HAVCR2: variants seen among roughly 807,000 people sequenced by gnomAD.
HAVCR2 encodes the protein T cell immunoglobulin mucin 3.
A neutral mutation model predicts 24.7 loss-of-function variants in HAVCR2; 13 were observed. The ratio of observed to expected loss-of-function variants is 0.53; its 90% CI spans 0.34 to 0.84. The LOEUF (loss-of-function observed/expected upper bound fraction) is 0.84, where lower values mean the gene tolerates loss of function less well. HAVCR2 is among the 40% of genes least tolerant of loss of function. The probability of loss-of-function intolerance (pLI) is 0.01; values close to 1 mark genes in which losing one functional copy is unlikely to be tolerated. For missense variants in HAVCR2, 343 were observed against 371.2 expected (o/e 0.92, Z 0.62); for synonymous variants, 154 against 143.4 (o/e 1.07, Z -0.53).
intron 5 of HAVCR2, among the ~76,000 whole-genome samples, chr5:157,094,958 G>A (rs1330285576): frequency 6.6e-6 from 1 of 152,192 alleles, no homozygotes; most frequent in East Asian, 1.9e-4. Context: ...GAATCAGCCT[G>A]CCTGGATTTG....
intron 3 of HAVCR2, among the ~76,000 whole-genome samples, chr5:157,102,753 G>A (rs1757185674): frequency 6.6e-6 from 1 of 151,896 alleles, no homozygotes; most frequent in Non-Finnish European, 1.5e-5. Flanking sequence ...TGGCCACCAT[G>A]GTGAAACCCC....
rs549446396 is a variant in HAVCR2 at position 157,094,675 on chromosome 5, G to A, written c.676+631C>T. On this transcript the variant is annotated intron_variant, in intron 5 of 6. Transcript: ENST00000307851. ...TGGGATTACAGGCGTGAGCCACTGC[G>A]CCGGGCCTGTTTTTTTGTTTTTGTT... Among the ~76,000 whole-genome samples the A allele has an allele frequency of 9.9e-5, 15 of 151,600 alleles. No individual in the cohort carries two copies. The East Asian group carries it at 2.3e-3, about 23-fold the overall frequency.
At position 157,106,886 on chromosome 5, in the gene HAVCR2, T is replaced by C. The variant is rs1388432370; in HGVS notation, c.135A>G (p.Pro45=). ...CCCAGCAGACGGGCACGAGGTTCCC[T>C]GGGGCGGCTGGGGTGTAGAAGCAGG... The part of the protein sequence containing the change: ...YLPCFYTPAA[P]GNLVPVCWGK... The change falls in exon 2 of 7, where the codon CCA becomes CCG. Residue 45 remains proline (P), a synonymous_variant. Coordinates refer to ENST00000307851, the MANE Select transcript of HAVCR2 (RefSeq NM_032782.5). 2.5e-6 allele frequency: 4 copies of C among 1,614,180 alleles called. No homozygotes were observed. The highest frequency in any genetic ancestry group is 1.7e-6 in the Non-Finnish European group (2 of 1,180,016).
chr5:157,089,320 C>G (rs1237688804), intron 5 of HAVCR2, among the ~76,000 whole-genome samples: 1 of 152,014 alleles, frequency 6.6e-6, no homozygotes, highest in African/African-American at 2.4e-5. Flanking sequence ...TAAAAGAAAA[C>G]AGTACCCCAG....
chr5:157,095,218 A>G, intron 5 of HAVCR2, 88 bp downstream of exon 5: 2 of 1,411,172 alleles, frequency 1.4e-6, no homozygotes. Flanking sequence ...CTTTGGGTAT[A>G]AACATGAATT....
chr5:157,096,708 C>T (rs1757098813), intron 4 of HAVCR2, among the ~76,000 whole-genome samples: 1 of 152,056 alleles, frequency 6.6e-6, no homozygotes, highest in Non-Finnish European at 1.5e-5. Context: ...ACCCAGGAGG[C>T]AGAGGTTGCA....
chr5:157,088,819 A>T, intron 6 of HAVCR2, 122 bp downstream of exon 6: 1 of 820,174 alleles, frequency 1.2e-6, no homozygotes, highest in Non-Finnish European at 2.0e-6. Flanking sequence ...TAGAGAAAGA[A>T]GGAAGTATAA....
At position 157,108,138 on chromosome 5, in the gene HAVCR2, T is replaced by C. The variant is rs148333206; in HGVS notation, c.58+788A>G. 4.3e-4 allele frequency among the ~76,000 whole-genome samples: 66 copies of C among 152,180 alleles called. No homozygotes were observed. The East Asian group carries it at 0.011, about 26-fold the overall frequency. On this transcript the variant is annotated intron_variant, in intron 1 of 6. Coordinates refer to ENST00000307851, the MANE Select transcript of HAVCR2 (RefSeq NM_032782.5). ...CTTTTGATTTTTTATGTCCCCTTTG[T>C]TTTCATATGACTCAACTACAGTAAA...
chr5:157,089,644 A>T (rs1027946836), intron 5 of HAVCR2, among the ~76,000 whole-genome samples: 4 of 152,220 alleles, frequency 2.6e-5, no homozygotes, highest in African/African-American at 9.6e-5. Context: ...AACAGATAAT[A>T]GAGAGGGTGG....
Position 157,104,947 on chromosome 5 carries a change from C to CATCATTGTTACATTCTGATT in HAVCR2, c.395-218_395-199dup, listed in dbSNP as rs1757225017. ...ATGTTTGACAAAGGTAAGATGCAGT[C>CATCATTGTTACATTCTGATT]ATCATTGTTACATTCTGATTATTAA... On this transcript the variant is annotated intron_variant, in intron 2 of 6. Transcript: ENST00000307851. The CATCATTGTTACATTCTGATT allele has an allele frequency of 7.8e-6, 3 of 383,140 alleles. No homozygotes were observed. In the East Asian group the frequency reaches 1.4e-4, roughly 18 times the overall value. The allele number at this position is 383,140 out of a possible 1,614,324, so 23.7% of individuals were successfully genotyped here.
chr5:157,106,933 CCTCCG>C lies in HAVCR2; in HGVS notation c.83_87del (p.Ala28GlyfsTer33), dbSNP rs1445537636. On this transcript the variant is annotated frameshift_variant, in exon 2 of 7. Transcript: ENST00000307851. LOFTEE classifies it high-confidence loss of function. ...CAGGGCAGATAGGCATTCTGACCGA[CCTCCG>C]CTCTGTATTCCACTTCTGAGGACCC... 2.5e-6 allele frequency: 4 copies of C among 1,613,892 alleles called. No individual in the cohort carries two copies. Among genetic ancestry groups the C allele is most frequent in the Non-Finnish European group, 3.4e-6 (4 of 1,179,874 alleles).
At chr5:157,108,670 T>C (rs912312544) in intron 1 of HAVCR2, among the ~76,000 whole-genome samples, 2 of 152,180 alleles carry the variant, frequency 1.3e-5, no homozygotes, top group African/African-American at 4.8e-5. Flanking sequence ...AAGCCTAATA[T>C]ATGCATTATT....
chr5:157,104,626 G>T, intron 3 of HAVCR2, 40 bp downstream of exon 3: 3 of 1,381,992 alleles, frequency 2.2e-6, no homozygotes, highest in Non-Finnish European at 3.0e-6. Flanking sequence ...TGAATTCAGA[G>T]CCAGCTAAAG....
In HAVCR2 at chr5:157,087,188, C is replaced by T; in HGVS notation, c.820G>A (p.Val274Met). 6.2e-7 allele frequency: 1 copy of T among 1,614,138 alleles called. No individual in the cohort carries two copies. Among genetic ancestry groups the T allele is most frequent in the East Asian group, 2.2e-5 (1 of 44,888 alleles). The part of the protein sequence containing the change: ...IYTIEENVYE[V>M]EEPNEYYCYV... ...CAATAATACTCATTGGGCTCCTCCA[C>T]TTCATATACGTTCTCTTCAATGGTA... The change falls in exon 7 of 7, where the codon GTG becomes ATG. Residue 274 changes from valine to methionine, a missense_variant. Coordinates refer to ENST00000307851, the MANE Select transcript of HAVCR2 (RefSeq NM_032782.5).
Position 157,104,683 on chromosome 5 carries a change from G to C in HAVCR2, c.461C>G (p.Thr154Ser), listed in dbSNP as rs150536405. ...FTAAFPRMLT[T>S]RGHGPAETQT... ...ATAGTTACCTGGGCCATGTCCCCTG[G>C]TGGTAAGCATCCTTGGAAAGGCTGC... The change falls in exon 3 of 7, where the codon ACC becomes AGC. Residue 154 changes from threonine to serine, a missense_variant. Physicochemically the swap from Thr to Ser is moderately conservative, Grantham distance 58 (BLOSUM62 1). Coordinates refer to ENST00000307851, the MANE Select transcript of HAVCR2 (RefSeq NM_032782.5). 2,772 of 1,603,402 alleles carry C rather than the reference G, an allele frequency of 1.7e-3. 5 individuals are homozygous for C. Among genetic ancestry groups the C allele is most frequent in the Non-Finnish European group, 2.2e-3 (2,525 of 1,174,108 alleles).
chr5:157,107,170 A>G (rs899097166), intron 1 of HAVCR2: 1 of 552,514 alleles, frequency 1.8e-6, no homozygotes, highest in African/African-American at 1.9e-5. Flanking sequence ...TGCTGGGCTC[A>G]ACTGCTAGAG....
At chr5:157,098,994 AT>A (rs1184642004) in intron 3 of HAVCR2, 93 bp from the exon 4 acceptor site, 1 of 1,078,878 alleles carries the variant, frequency 9.3e-7, no homozygotes, top group Non-Finnish European at 1.3e-6. Flanking sequence ...AAAAATCTTA[AT>A]GATGCCTATA....
intron 5 of HAVCR2, among the ~76,000 whole-genome samples, chr5:157,094,786 A>G (rs1166734626): frequency 4.6e-5 from 7 of 152,188 alleles, no homozygotes; most frequent in Non-Finnish European, 8.8e-5. Flanking sequence ...AACATTCTCT[A>G]ACCCCAGTCA....
chr5:157,101,504 A>G (rs1262528429), intron 3 of HAVCR2, among the ~76,000 whole-genome samples: 1 of 152,236 alleles, frequency 6.6e-6, no homozygotes, highest in African/African-American at 2.4e-5. Flanking sequence ...CACCATATAC[A>G]TACAATCTCA....
Sources: gnomAD v4.1 joint callset for allele counts (sites outside exome capture counted in the v4.1 genomes callset) on GRCh38, gnomAD v4.1.1 for gene constraint, MANE v1.5 for transcripts, NCBI Gene and HGNC (gene_info 2026-07-23, HGNC 2026-07-21) for gene names.